The following PTPRQ variants were observed in gnomAD, a reference collection of about 807,000 sequenced individuals.
The protein encoded by PTPRQ is phosphatidylinositol phosphatase PTPRQ.
PTPRQ carries 199 observed loss-of-function variants against 246.0 expected under a neutral mutation model. The ratio of observed to expected loss-of-function variants is 0.81; its 90% CI spans 0.72 to 0.91. PTPRQ has a LOEUF of 0.91. Ranked by LOEUF, PTPRQ falls within the 40% of genes least tolerant of loss-of-function variation. PTPRQ has a pLI of 0.00. For missense variants in PTPRQ, 2,624 were observed against 2,528.4 expected (o/e 1.04, Z -0.81); for synonymous variants, 869 against 853.2 (o/e 1.02, Z -0.32).
intron 39 of PTPRQ, among the ~76,000 whole-genome samples, chr12:80,660,658 C>T (rs1389319191): frequency 2.0e-5 from 3 of 152,020 alleles, no homozygotes; most frequent in Admixed American, 2.0e-4. Flanking sequence ...TTGATGACAG[C>T]TTTTAACACA....
chr12:80,452,342 T>C (rs1415752042), intron 3 of PTPRQ, among the ~76,000 whole-genome samples: 4 of 152,066 alleles, frequency 2.6e-5, no homozygotes, highest in African/African-American at 9.7e-5. Context: ...TGTCTTTTAA[T>C]TGGAGCATTT....
intron 28 of PTPRQ, among the ~76,000 whole-genome samples, chr12:80,611,537 G>A (rs1056367035): frequency 6.7e-6 from 1 of 150,174 alleles, no homozygotes; most frequent in Non-Finnish European, 1.5e-5. Context: ...TCTATTTTCT[G>A]ATTATGCTTT....
At chr12:80,616,091 AT>A in intron 29 of PTPRQ, 108 bp from the exon 30 acceptor site, 1 of 555,994 alleles carries the variant, frequency 1.8e-6, no homozygotes, top group Non-Finnish European at 2.5e-6. Flanking sequence ...ATATATATAT[AT>A]ATAACTATAT....
At chr12:80,491,138 A>G (rs889062565) in intron 9 of PTPRQ, among the ~76,000 whole-genome samples, 1 of 151,972 alleles carries the variant, frequency 6.6e-6, no homozygotes, top group African/African-American at 2.4e-5. Flanking sequence ...GATGCTTAAC[A>G]TATGTAATTG....
intron 6 of PTPRQ, chr12:80,465,310 A>G (rs1172264864): frequency 6.6e-6 from 1 of 152,290 alleles, no homozygotes; most frequent in African/African-American, 2.4e-5. Flanking sequence ...ACCAGGAAGA[A>G]GTTGACTCTC....
At chr12:80,465,784 G>T (rs1893380669) in intron 6 of PTPRQ, among the ~76,000 whole-genome samples, 1 of 152,020 alleles carries the variant, frequency 6.6e-6, no homozygotes, top group Non-Finnish European at 1.5e-5. Flanking sequence ...ATGCAGAAAA[G>T]GCCTTTGACA....
chr12:80,469,949 A>G (rs952443506), intron 7 of PTPRQ, among the ~76,000 whole-genome samples: 2 of 152,230 alleles, frequency 1.3e-5, no homozygotes, highest in Admixed American at 6.5e-5. Context: ...GGGTAAATAC[A>G]TGATTGAATT....
chr12:80,567,250 T>G (rs1897005736), intron 25 of PTPRQ, among the ~76,000 whole-genome samples: 1 of 152,250 alleles, frequency 6.6e-6, no homozygotes, highest in South Asian at 2.1e-4. Context: ...CTAGAAAGTA[T>G]GAGTGTCTAG....
rs1472027717 is a variant in PTPRQ, at chr12:80,539,779, T to C, written c.2989T>C (p.Phe997Leu). 6.5e-7 allele frequency: 1 copy of C among 1,528,288 alleles called. No homozygotes were observed. Among genetic ancestry groups the C allele is most frequent in the Non-Finnish European group, 8.8e-7 (1 of 1,138,958 alleles). 94.7% of individuals were successfully genotyped at this position (1,528,288 alleles called of 1,614,324 possible). The part of the protein sequence containing the change: ...RNTSGTFMQN[F>L]TLHEVTNDFD... ...AATGAATGTGTTTATTTTTCAGAAT[T>C]TTACACTCCATGAAGTAACCAATGA... Residue 997 changes from phenylalanine to leucine, a missense_variant, in exon 20 of 45, where the codon TTT (phenylalanine) becomes CTT (leucine). Physicochemically the swap from Phe to Leu is conservative, Grantham distance 22. Transcript: ENST00000644991.
At chr12:80,553,775 CA>C (rs142917268) in intron 25 of PTPRQ, among the ~76,000 whole-genome samples, 2,114 of 152,206 alleles carry the variant, frequency 0.014, 46 homozygotes, top group African/African-American at 0.047. Context: ...TTTTTAACAG[CA>C]ATTTTATGCC....
At chr12:80,648,425 T>A (rs1048572821) in intron 35 of PTPRQ, among the ~76,000 whole-genome samples, 1 of 152,096 alleles carries the variant, frequency 6.6e-6, no homozygotes, top group African/African-American at 2.4e-5. Context: ...TAATTTGTTG[T>A]TGCTGTGTAT....
At chr12:80,641,185 G>T (rs1899843209) in intron 35 of PTPRQ, among the ~76,000 whole-genome samples, 1 of 152,166 alleles carries the variant, frequency 6.6e-6, no homozygotes, top group Non-Finnish European at 1.5e-5. Context: ...CTGATGCTCA[G>T]AAATGCCATT....
chr12:80,648,677 T>A (rs1565840586), intron 35 of PTPRQ, among the ~76,000 whole-genome samples: 2 of 152,202 alleles, frequency 1.3e-5, no homozygotes, highest in East Asian at 1.9e-4. Flanking sequence ...CAACATCTTT[T>A]CAGCTCGAGA....
intron 39 of PTPRQ, among the ~76,000 whole-genome samples, chr12:80,668,787 T>C (rs1900869714): frequency 6.6e-6 from 1 of 151,912 alleles, no homozygotes; most frequent in South Asian, 2.1e-4. Flanking sequence ...TATTCAAAAG[T>C]TAGACATAAA....
chr12:80,549,388 A>C, intron 24 of PTPRQ, 77 bp from the exon 25 acceptor site: 66 of 1,369,064 alleles, frequency 4.8e-5, no homozygotes, highest in Non-Finnish European at 5.7e-5. Flanking sequence ...AGATGTATCT[A>C]GTGATCACGT....
At chr12:80,610,385 G>T in intron 27 of PTPRQ, 54 bp from the exon 28 acceptor site, 1 of 1,396,074 alleles carries the variant, frequency 7.2e-7, no homozygotes, top group East Asian at 2.7e-5. Flanking sequence ...TTATGTTTTG[G>T]TGACTCAGAT....
At chr12:80,463,833 C>T (rs1893296143) in intron 6 of PTPRQ, among the ~76,000 whole-genome samples, 1 of 150,562 alleles carries the variant, frequency 6.6e-6, no homozygotes, top group South Asian at 2.1e-4. Flanking sequence ...ATTTTGTCAC[C>T]ACCAGGCCTG....
At position 80,493,453 on chromosome 12, in the gene PTPRQ, T is replaced by C. The variant is rs935795851; in HGVS notation, c.1538T>C (p.Val513Ala). The C allele has an allele frequency of 1.9e-6, 3 of 1,546,720 alleles. No individual in the cohort carries two copies. Among genetic ancestry groups the C allele is most frequent in the African/African-American group, 2.8e-5 (2 of 72,698 alleles). ...RNRAEDQTSP[V>A]VTTRNQYITD... ...AGAGCTGAAGACCAGACTTCACCAG[T>C]TGGTAGGTAGAATTTTGATTTTCTA... Residue 513 changes from valine (V) to alanine (A), a missense_variant and splice_region_variant, in exon 10 of 45, where the codon GTT becomes GCT. Coordinates refer to ENST00000644991, the MANE Select transcript of PTPRQ (RefSeq NM_001145026.2).
At chr12:80,672,704 G>C (rs907739552) in intron 42 of PTPRQ, among the ~76,000 whole-genome samples, 4 of 151,916 alleles carry the variant, frequency 2.6e-5, no homozygotes, top group Admixed American at 6.6e-5. Flanking sequence ...ATAAATTCTA[G>C]AGAAAGAAAG....
Sources: gnomAD v4.1 joint callset for allele counts (sites outside exome capture counted in the v4.1 genomes callset) on GRCh38, gnomAD v4.1.1 for gene constraint, MANE v1.5 for transcripts, NCBI Gene and HGNC (gene_info 2026-07-23, HGNC 2026-07-21) for gene names.